Variants in NRXN3 observed in about 807,000 individuals in gnomAD.
The protein encoded by NRXN3 is neurexin III.
NRXN3 carries 32 observed loss-of-function variants against 137.6 expected under a neutral mutation model. That is an observed-to-expected ratio of 0.23 (90% CI 0.18 to 0.31). NRXN3 has a LOEUF of 0.31. NRXN3 is among the 10% of genes least tolerant of loss of function. The pLI is 1.00. For missense variants in NRXN3, 1,574 were observed against 2,062.5 expected (o/e 0.76, Z 4.59); for synonymous variants, 798 against 784.5 (o/e 1.02, Z -0.29).
intron 1 of NRXN3, among the ~76,000 whole-genome samples, chr14:78,223,951 GAGAACTA>G (rs1350481176): frequency 6.6e-6 from 1 of 152,190 alleles, no homozygotes; most frequent in Non-Finnish European, 1.5e-5. Flanking sequence ...ATGGATGGTT[GAGAACTA>G]GGCACGGGGA....
At chr14:79,198,740 T>A (rs931531613) in intron 15 of NRXN3, among the ~76,000 whole-genome samples, 3 of 152,226 alleles carry the variant, frequency 2.0e-5, no homozygotes, top group African/African-American at 7.2e-5. Flanking sequence ...GCTGGTTTAC[T>A]TAGAAACCTT....
chr14:79,458,414 A>C lies in NRXN3; in HGVS notation c.3263-8807A>C, dbSNP rs1000624061. On this transcript the variant is annotated intron_variant, in intron 15 of 20. Transcript: ENST00000335750. ...GTTGAGATGAAATGACAAAAAGGCA[A>C]GATGAATTAATGAACATTGTATATT... Among the ~76,000 whole-genome samples, 5 of 152,194 alleles carry C rather than the reference A, an allele frequency of 3.3e-5. No individual in the cohort carries two copies. In the South Asian group the frequency reaches 1.0e-3, roughly 32 times the overall value.
At chr14:78,353,404 C>T (rs2083832859) in intron 4 of NRXN3, among the ~76,000 whole-genome samples, 1 of 152,160 alleles carries the variant, frequency 6.6e-6, no homozygotes, top group African/African-American at 2.4e-5. Context: ...TGGTGAGGGC[C>T]TGCTTTCTGG....
chr14:78,250,716 G>A (rs1385295978), intron 2 of NRXN3, among the ~76,000 whole-genome samples: 1 of 152,200 alleles, frequency 6.6e-6, no homozygotes, highest in Non-Finnish European at 1.5e-5. Context: ...GGGTATGAGG[G>A]CAAGTGTGGG....
intron 10 of NRXN3, among the ~76,000 whole-genome samples, chr14:78,820,976 A>G (rs1430970503): frequency 6.6e-6 from 1 of 152,126 alleles, no homozygotes; most frequent in Non-Finnish European, 1.5e-5. Context: ...ATGGACACTG[A>G]GTGCTTGACA....
chr14:78,236,903 C>T lies in NRXN3; in HGVS notation c.-703-5488C>T, dbSNP rs17107184. On this transcript the variant is annotated intron_variant, in intron 1 of 20. Transcript: ENST00000335750. ...TTGAGAGAATTCATGCCTTAACCTC[C>T]CTCACTACATGCAGTAGAGCCTTTG... 4.3e-3 allele frequency among the ~76,000 whole-genome samples: 650 copies of T among 152,268 alleles called. 6 individuals are homozygous for T. The highest frequency in any genetic ancestry group is 0.015 in the African/African-American group (627 of 41,558).
chr14:78,940,046 G>T (rs2099350071), intron 10 of NRXN3, among the ~76,000 whole-genome samples: 1 of 152,114 alleles, frequency 6.6e-6, no homozygotes, highest in South Asian at 2.1e-4. Flanking sequence ...AAAACACAAA[G>T]TTTTCAGTAC....
At chr14:79,350,551 G>A (rs1318439617) in intron 15 of NRXN3, among the ~76,000 whole-genome samples, 1 of 152,136 alleles carries the variant, frequency 6.6e-6, no homozygotes, top group South Asian at 2.1e-4. Context: ...CCCTCTGTTC[G>A]GGAGTGTGTG....
At chr14:79,421,468 C>A (rs1304483005) in intron 15 of NRXN3, among the ~76,000 whole-genome samples, 1 of 151,952 alleles carries the variant, frequency 6.6e-6, no homozygotes, top group Non-Finnish European at 1.5e-5. Flanking sequence ...ATGTAGATAC[C>A]AGATGGCAAA....
intron 4 of NRXN3, among the ~76,000 whole-genome samples, chr14:78,426,829 T>C (rs1430141653): frequency 1.3e-5 from 2 of 152,110 alleles, no homozygotes; most frequent in African/African-American, 4.8e-5. Context: ...AAGTGCTGTA[T>C]TTTGGGGTAG....
intron 4 of NRXN3, among the ~76,000 whole-genome samples, chr14:78,389,823 A>G (rs2090518411): frequency 6.6e-6 from 1 of 152,164 alleles, no homozygotes; most frequent in South Asian, 2.1e-4. Context: ...AACTTTTCCA[A>G]GTCAGAGATT....
At chr14:79,453,584 A>G (rs533053217) in intron 15 of NRXN3, among the ~76,000 whole-genome samples, 25 of 152,204 alleles carry the variant, frequency 1.6e-4, no homozygotes, top group Admixed American at 2.6e-4. Context: ...ATCTGAGTGC[A>G]TTCTATGATG....
intron 16 of NRXN3, among the ~76,000 whole-genome samples, chr14:79,553,211 T>C (rs979871641): frequency 3.3e-5 from 5 of 152,010 alleles, no homozygotes; most frequent in Admixed American, 3.3e-4. Flanking sequence ...TGAGTATGAT[T>C]GTAATATAAA....
intron 19 of NRXN3, among the ~76,000 whole-genome samples, chr14:79,753,609 T>C (rs936434377): frequency 2.0e-5 from 3 of 150,204 alleles, no homozygotes; most frequent in Non-Finnish European, 4.4e-5. Flanking sequence ...TTAGGAAATA[T>C]AACTAATGCT....
chr14:78,609,983 T>C (rs1176503632), intron 4 of NRXN3, among the ~76,000 whole-genome samples: 1 of 151,744 alleles, frequency 6.6e-6, no homozygotes, highest in African/African-American at 2.4e-5. Flanking sequence ...CTTTACCTTC[T>C]ACTATGTAAC....
intron 15 of NRXN3, among the ~76,000 whole-genome samples, chr14:79,117,664 T>C (rs982512772): frequency 6.6e-6 from 1 of 151,914 alleles, no homozygotes; most frequent in Non-Finnish European, 1.5e-5. Context: ...GAAGGGCTAG[T>C]AGCAAACAAG....
chr14:79,170,036 T>A (rs1301417674), intron 15 of NRXN3, among the ~76,000 whole-genome samples: 1 of 152,144 alleles, frequency 6.6e-6, no homozygotes, highest in East Asian at 1.9e-4. Context: ...TCTCCGAGAA[T>A]AGTCTTCCAC....
At chr14:79,084,642 T>C (rs1255437041) in intron 15 of NRXN3, among the ~76,000 whole-genome samples, 1 of 152,194 alleles carries the variant, frequency 6.6e-6, no homozygotes, top group Non-Finnish European at 1.5e-5. Flanking sequence ...CATTTTGGCA[T>C]TCAGGGTGAT....
rs563641692 is a variant in NRXN3 at position 78,280,520 on chromosome 14, C to T, written c.727+1858C>T. ...ACCTCGTTTTGTTTGTAAAGTGCCA[C>T]GTGGCGGCTTCTCTTTCTGGTTCCC... On this transcript the variant is annotated intron_variant, in intron 3 of 20. Coordinates refer to ENST00000335750, the MANE Select transcript of NRXN3 (RefSeq NM_001330195.2). Among the ~76,000 whole-genome samples the T allele has an allele frequency of 9.9e-5, 15 of 152,282 alleles. No individual in the cohort carries two copies. In the East Asian group the frequency reaches 1.7e-3, roughly 18 times the overall value.
Sources: gnomAD v4.1 joint callset for allele counts (sites outside exome capture counted in the v4.1 genomes callset) on GRCh38, gnomAD v4.1.1 for gene constraint, MANE v1.5 for transcripts, NCBI Gene and HGNC (gene_info 2026-07-23, HGNC 2026-07-21) for gene names.